GNG2: variants seen among roughly 807,000 people sequenced by gnomAD.
The protein encoded by GNG2 is guanine nucleotide-binding protein G(I)/G(S)/G(O) subunit gamma-2.
A neutral mutation model predicts 5.5 loss-of-function variants in GNG2; 5 were observed. The ratio of observed to expected loss-of-function variants is 0.91; its 90% confidence interval spans 0.48 to 1.92. GNG2 has a LOEUF of 1.92. GNG2 is among the 30% of genes most tolerant of loss of function. GNG2 has a pLI of 0.01. For missense variants in GNG2, 55 were observed against 88.4 expected, an observed-to-expected ratio of 0.62 and a Z score of 1.52; for synonymous variants, 28 against 32.0, an observed-to-expected ratio of 0.88 and a Z score of 0.42.
intron 2 of GNG2, among the ~76,000 whole-genome samples, chr14:51,830,077 G>T (rs935976153): frequency 6.6e-6 from 1 of 151,980 alleles, no homozygotes; most frequent in South Asian, 2.1e-4. Context: ...TCCTGACCTC[G>T]TGATCCGCCC....
intron 2 of GNG2, among the ~76,000 whole-genome samples, chr14:51,924,693 A>G (rs1887205893): frequency 6.6e-6 from 1 of 152,250 alleles, no homozygotes; most frequent in African/African-American, 2.4e-5. Flanking sequence ...CAATACATAG[A>G]CTGAGACACA....
chr14:51,927,018 G>A (rs140906442), intron 2 of GNG2, among the ~76,000 whole-genome samples: 87 of 152,296 alleles, frequency 5.7e-4, no homozygotes, highest in African/African-American at 2.0e-3. Context: ...CTTATCCGAA[G>A]CTGATGTCAT....
At chr14:51,960,882 C>G (rs541583212) in intron 3 of GNG2, among the ~76,000 whole-genome samples, 2 of 152,156 alleles carry the variant, frequency 1.3e-5, no homozygotes, top group Admixed American at 1.3e-4. Flanking sequence ...TCCTGATATT[C>G]TTTGCATAGC....
intron 2 of GNG2, among the ~76,000 whole-genome samples, chr14:51,949,276 T>G (rs891247619): frequency 6.7e-6 from 1 of 150,228 alleles, no homozygotes; most frequent in Non-Finnish European, 1.5e-5. Context: ...CCTAATTTCT[T>G]CTTTTGTCTT....
intron 2 of GNG2, among the ~76,000 whole-genome samples, chr14:51,948,232 T>C (rs1594950067): frequency 6.6e-6 from 1 of 152,094 alleles, no homozygotes; most frequent in African/African-American, 2.4e-5. Flanking sequence ...AAATTCAGGG[T>C]TCTTGTGGTC....
chr14:51,966,453 G>C (rs1299726979), intron 3 of GNG2, 106 bp from the exon 4 acceptor site: 1 of 956,202 alleles, frequency 1.0e-6, no homozygotes, highest in East Asian at 2.4e-5. Context: ...TGAGTATCTT[G>C]CTTCATGGAG....
chr14:51,962,445 G>T (rs911071429), intron 3 of GNG2, among the ~76,000 whole-genome samples: 8 of 151,906 alleles, frequency 5.3e-5, no homozygotes, highest in Admixed American at 5.2e-4. Context: ...TATAATGAGA[G>T]GAAATGTTAA....
chr14:51,868,683 G>A (rs949125600), intron 1 of GNG2, among the ~76,000 whole-genome samples: 1 of 152,134 alleles, frequency 6.6e-6, no homozygotes, highest in Non-Finnish European at 1.5e-5. Flanking sequence ...AATGAGGTGA[G>A]ATTTCAGAGG....
At chr14:51,955,864 G>A (rs1394889022) in intron 3 of GNG2, among the ~76,000 whole-genome samples, 4 of 152,154 alleles carry the variant, frequency 2.6e-5, no homozygotes, top group Non-Finnish European at 5.9e-5. Flanking sequence ...GTATAAATTA[G>A]TGAGCCAAAT....
intron 2 of GNG2, among the ~76,000 whole-genome samples, chr14:51,888,612 T>C (rs1001818652): frequency 5.9e-5 from 9 of 152,198 alleles, no homozygotes; most frequent in Admixed American, 5.2e-4. Context: ...TCTTCTTTCC[T>C]CATTAATAGT....
chr14:51,832,153 A>G (rs12323731), intron 2 of GNG2, among the ~76,000 whole-genome samples: 75,504 of 151,528 alleles, frequency 0.5, 19,409 homozygotes, highest in Middle Eastern at 0.57. Context: ...GGTGGCACAC[A>G]CATATGGTTT....
chr14:51,962,436 A>T (rs905894803), intron 3 of GNG2, among the ~76,000 whole-genome samples: 5 of 152,204 alleles, frequency 3.3e-5, no homozygotes, highest in African/African-American at 1.2e-4. Flanking sequence ...GTCTATATTT[A>T]TAATGAGAGG....
intron 2 of GNG2, among the ~76,000 whole-genome samples, chr14:51,907,686 A>G (rs1174782889): frequency 1.3e-5 from 2 of 152,156 alleles, no homozygotes; most frequent in African/African-American, 4.8e-5. Context: ...TCTTTTTTAA[A>G]CCAAAGGATT....
At chr14:51,903,721 T>C (rs897619772) in intron 2 of GNG2, among the ~76,000 whole-genome samples, 2 of 152,184 alleles carry the variant, frequency 1.3e-5, no homozygotes, top group Non-Finnish European at 2.9e-5. Flanking sequence ...CGATAAATCC[T>C]TAGAAGATGG....
At chr14:51,889,791 G>A (rs780782657) in intron 2 of GNG2, among the ~76,000 whole-genome samples, 3 of 152,098 alleles carry the variant, frequency 2.0e-5, no homozygotes, top group East Asian at 1.9e-4. Context: ...GTTCAGTGCC[G>A]TACTGTTTTG....
intron 2 of GNG2, among the ~76,000 whole-genome samples, chr14:51,928,713 C>T (rs1019735800): frequency 1.3e-5 from 2 of 152,208 alleles, no homozygotes; most frequent in African/African-American, 4.8e-5. Flanking sequence ...ATTAACCCCA[C>T]CCACCTCCAA....
At chr14:51,944,264 A>T (rs755409258) in intron 2 of GNG2, among the ~76,000 whole-genome samples, 4 of 152,144 alleles carry the variant, frequency 2.6e-5, no homozygotes, top group Non-Finnish European at 5.9e-5. Context: ...TTTCTCTCTC[A>T]CAGTTCTAAA....
chr14:51,939,441 C>T lies in GNG2; in HGVS notation c.-29-11209C>T, dbSNP rs530854415. Among the ~76,000 whole-genome samples the T allele has an allele frequency of 8.5e-5, 13 of 152,296 alleles. 1 individual carries two copies. In the East Asian group the frequency reaches 2.5e-3, roughly 29 times the overall value. On this transcript the variant is annotated intron_variant, in intron 2 of 3. Coordinates refer to ENST00000556766, the MANE Select transcript of GNG2 (RefSeq NM_053064.5). ...GTAAAGTTAATGTTTTCAAAACCAG[C>T]AGTTTACTGGAAAGCAGAGAGCTGT...
At chr14:51,831,044 T>C (rs535905357) in intron 2 of GNG2, among the ~76,000 whole-genome samples, 1 of 152,356 alleles carries the variant, frequency 6.6e-6, no homozygotes, top group South Asian at 2.1e-4. Context: ...GCACCAGGCA[T>C]GCTCCAGCCT....
Sources: gnomAD v4.1 joint callset for allele counts (sites outside exome capture counted in the v4.1 genomes callset) on GRCh38, gnomAD v4.1.1 for gene constraint, MANE v1.5 for transcripts, NCBI Gene and HGNC (gene_info 2026-07-23, HGNC 2026-07-21) for gene names.